PCDHGB2: variants seen among roughly 807,000 people sequenced by gnomAD.
PCDHGB2 encodes protocadherin gamma-B2.
In PCDHGB2, 55 loss-of-function variants were observed where a neutral mutation model predicts 59.3. That is an observed-to-expected ratio of 0.93 (90% CI 0.75 to 1.16). The LOEUF (loss-of-function observed/expected upper bound fraction) is 1.16, where lower values mean the gene tolerates loss of function less well. Among genes scored for constraint, PCDHGB2 ranks in the 50% most tolerant of loss-of-function variants. The probability of loss-of-function intolerance (pLI) is 0.00; values close to 1 mark genes in which losing one functional copy is unlikely to be tolerated. For synonymous variants in PCDHGB2, 516 were observed against 512.0 expected (o/e 1.01, Z -0.11); for missense variants, 1,228 against 1,198.5 (o/e 1.02, Z -0.36).
chr5:141,501,290 TAC>T (rs55762287), intron 2 of PCDHGB2, among the ~76,000 whole-genome samples: 11,544 of 136,022 alleles, frequency 0.085, 708 homozygotes, highest in East Asian at 0.37. Context: ...TATTCCCTTA[TAC>T]ACACACACAC....
At position 141,477,492 on chromosome 5, in the gene PCDHGB2, A is replaced by T; in HGVS notation, c.2422-17315A>T. ...AATGACAACCCTCCACAATCTTCTC[A>T]ATCTTCCTACGACGTTTACATTGAA... On this transcript the variant is annotated intron_variant, in intron 1 of 3. Coordinates refer to ENST00000522605, the MANE Select transcript of PCDHGB2 (RefSeq NM_018923.3). The surrounding 1 kb of genome is among the most constrained non-coding windows in gnomAD (Gnocchi z 4.9). The T allele has an allele frequency of 6.2e-7, 1 of 1,613,980 alleles. No individual in the cohort carries two copies. The highest frequency in any genetic ancestry group is 8.5e-7 in the Non-Finnish European group (1 of 1,179,958).
chr5:141,455,388 A>C (rs1415223043), intron 1 of PCDHGB2, among the ~76,000 whole-genome samples: 1 of 152,086 alleles, frequency 6.6e-6, no homozygotes, highest in Non-Finnish European at 1.5e-5. Context: ...AGAAGGAAGG[A>C]GCTCCCCCTT....
At chr5:141,389,893 T>TGCCGGATATCACTGACC in intron 1 of PCDHGB2, 1 of 1,614,094 alleles carries the variant, frequency 6.2e-7, no homozygotes, top group Non-Finnish European at 8.5e-7. Context: ...CAGGAGGTGC[T>TGCCGGATATCACTGACC]GCCGGATATC....
intron 1 of PCDHGB2, among the ~76,000 whole-genome samples, chr5:141,429,759 C>T (rs1233949322): frequency 6.6e-6 from 1 of 151,946 alleles, no homozygotes; most frequent in East Asian, 1.9e-4. Flanking sequence ...GAATTTTTTC[C>T]CTATATTTTG....
At chr5:141,398,544 G>A (rs1002395942) in intron 1 of PCDHGB2, 1 of 1,613,852 alleles carries the variant, frequency 6.2e-7, no homozygotes, top group Non-Finnish European at 8.5e-7. Flanking sequence ...ATTCCTTTGA[G>A]CTGCAAATAA....
At chr5:141,399,002 C>G in intron 1 of PCDHGB2, 6 of 1,613,830 alleles carry the variant, frequency 3.7e-6, no homozygotes, top group Non-Finnish European at 4.2e-6. Context: ...AGTCTGAATT[C>G]AAAGAGCGGA....
At position 141,435,341 on chromosome 5, in the gene PCDHGB2, C is replaced by T. The variant is rs73794903; in HGVS notation, c.2422-59466C>T. 9.3e-3 allele frequency among the ~76,000 whole-genome samples: 1,412 copies of T among 152,206 alleles called. 25 individuals carry two copies. Among genetic ancestry groups the T allele is most frequent in the African/African-American group, 0.032 (1,313 of 41,532 alleles). On this transcript the variant is annotated intron_variant, in intron 1 of 3. Coordinates refer to ENST00000522605, the MANE Select transcript of PCDHGB2 (RefSeq NM_018923.3). ...ACTTCCAAATATAGTGAATTTATTT[C>T]TTCTGCATTTAAAATTTTATCACTT...
intron 1 of PCDHGB2, chr5:141,422,118 ACAAACTGGAGAAGTT>A (rs1243312753): frequency 6.2e-7 from 1 of 1,604,312 alleles, no homozygotes; most frequent in Non-Finnish European, 8.5e-7. Flanking sequence ...AATTGGATTC[ACAAACTGGAGAAGTT>A]CAAGTACGGG....
chr5:141,481,729 G>A (rs757464454), intron 1 of PCDHGB2, among the ~76,000 whole-genome samples: 6 of 151,966 alleles, frequency 3.9e-5, no homozygotes, highest in Admixed American at 1.3e-4. Flanking sequence ...GGAGGCGGGC[G>A]GATCACGAGG....
At chr5:141,411,097 A>C (rs2095464397) in intron 1 of PCDHGB2, 1 of 153,002 alleles carries the variant, frequency 6.5e-6, no homozygotes, top group Non-Finnish European at 1.4e-5. Flanking sequence ...TGATCCTCCC[A>C]CCTTGGCCTC....
chr5:141,500,216 ATT>A (rs1562194139), intron 2 of PCDHGB2, among the ~76,000 whole-genome samples: 8 of 149,244 alleles, frequency 5.4e-5, no homozygotes, highest in African/African-American at 2.0e-4. Flanking sequence ...TTATTTATTT[ATT>A]TATTTATTGA....
At chr5:141,500,182 A>ATTT (rs1199992745) in intron 2 of PCDHGB2, among the ~76,000 whole-genome samples, 1 of 131,622 alleles carries the variant, frequency 7.6e-6, no homozygotes, top group African/African-American at 3.1e-5. Context: ...CTTCATTTTT[A>ATTT]TTTTTATTTA....
At chr5:141,393,479 C>A (rs375589587) in intron 1 of PCDHGB2, 1 of 1,613,940 alleles carries the variant, frequency 6.2e-7, no homozygotes, top group Non-Finnish European at 8.5e-7. Flanking sequence ...AGCCGCCTCG[C>A]TCTAGCACAG....
At position 141,361,323 on chromosome 5, in the gene PCDHGB2, T is replaced by G. The variant is rs1451101263; in HGVS notation, c.1188T>G (p.Ser396=). The G allele has an allele frequency of 6.2e-7, 1 of 1,613,880 alleles. No individual in the cohort carries two copies. Among genetic ancestry groups the G allele is most frequent in the Non-Finnish European group, 8.5e-7 (1 of 1,179,904 alleles). The change falls in exon 1 of 4, where the codon TCT becomes TCG. Residue 396 remains serine, a synonymous_variant. Coordinates refer to ENST00000522605, the MANE Select transcript of PCDHGB2 (RefSeq NM_018923.3). The stretch of plus-strand genomic sequence containing the variant: ...GAAATGCCAAGTTTATTTTGAAATC[T>G]TCCTCAAAGAACTATTACAAACTAG... ...VLGNAKFILK[S]SSKNYYKLVT... is the part of the protein sequence containing the mutation.
rs576594507 is a variant in PCDHGB2, at chr5:141,397,831, A to T, written c.2421+35275A>T. On this transcript the variant is annotated intron_variant, in intron 1 of 3. Transcript: ENST00000522605. ...CACAAAAACAATTACTGCACTGGTT[A>T]ACTTGAAGCCGCAGAGGCTGTAGTT... 9.5e-4 allele frequency among the ~76,000 whole-genome samples: 145 copies of T among 152,360 alleles called. 1 individual carries two copies. The highest frequency in any genetic ancestry group is 1.8e-3 in the Non-Finnish European group (124 of 68,036).
chr5:141,388,356 C>T (rs756910714), intron 1 of PCDHGB2: 1 of 1,613,826 alleles, frequency 6.2e-7, no homozygotes. Flanking sequence ...AGGATCTGCC[C>T]ATGATGCGGA....
chr5:141,374,656 C>G (rs775346091), intron 1 of PCDHGB2: 1 of 1,612,056 alleles, frequency 6.2e-7, no homozygotes, highest in Non-Finnish European at 8.5e-7. Context: ...GGCCCAAGTA[C>G]CCGGAGCTGG....
At chr5:141,456,099 G>A (rs1428094221) in intron 1 of PCDHGB2, among the ~76,000 whole-genome samples, 5 of 151,980 alleles carry the variant, frequency 3.3e-5, no homozygotes, top group East Asian at 1.9e-4. Flanking sequence ...GGATTTCACC[G>A]TGTTAGCCAG....
chr5:141,467,908 C>G (rs2099154038), intron 1 of PCDHGB2, among the ~76,000 whole-genome samples: 1 of 152,172 alleles, frequency 6.6e-6, no homozygotes, highest in Non-Finnish European at 1.5e-5. Flanking sequence ...ATCCGCCCAC[C>G]TCAGCCTCCC....
Sources: allele counts gnomAD v4.1 joint callset (sites outside exome capture counted in the v4.1 genomes callset), GRCh38; gene constraint gnomAD v4.1.1; non-coding constraint Gnocchi (gnomAD v3.1); transcripts MANE v1.5; gene names NCBI Gene and HGNC (gene_info 2026-07-23, HGNC 2026-07-21).